The following KSR1 variants were observed in gnomAD, a reference collection of about 807,000 sequenced individuals.
KSR1 encodes the protein kinase suppressor of ras 1, also known as kinase suppressor of ras.
A neutral mutation model predicts 92.9 loss-of-function variants in KSR1; 35 were observed. The ratio of observed to expected loss-of-function variants is 0.38; its 90% CI spans 0.29 to 0.50. KSR1 has a LOEUF of 0.50. Ranked by LOEUF, KSR1 falls within the 20% of genes least tolerant of loss-of-function variation. KSR1 has a pLI of 0.94. For missense variants in KSR1, 972 were observed against 1,158.5 expected, an observed-to-expected ratio of 0.84 and a Z score of 2.34; for synonymous variants, 467 against 472.6, an observed-to-expected ratio of 0.99 and a Z score of 0.15.
intron 5 of KSR1, among the ~76,000 whole-genome samples, chr17:27,587,892 T>C (rs145884691): frequency 6.6e-6 from 1 of 152,124 alleles, no homozygotes; most frequent in Non-Finnish European, 1.5e-5. Flanking sequence ...TGTACCTGGG[T>C]GGGGCTGGCC....
intron 1 of KSR1, among the ~76,000 whole-genome samples, chr17:27,488,421 G>GT (rs947133716): frequency 1.3e-5 from 2 of 151,726 alleles, no homozygotes; most frequent in Middle Eastern, 3.4e-3. Flanking sequence ...ATTAGTAGTA[G>GT]TTTTTTTTAA....
At position 27,561,637 on chromosome 17, in the gene KSR1, C is replaced by T. The variant is rs1470633617; in HGVS notation, c.372+10929C>T. Among the ~76,000 whole-genome samples, 7 of 152,236 alleles carry T rather than the reference C, an allele frequency of 4.6e-5. No individual in the cohort carries two copies. The East Asian group carries it at 1.3e-3, about 29-fold the overall frequency. On this transcript the variant is annotated intron_variant, in intron 2 of 20. Coordinates refer to ENST00000644974, the MANE Select transcript of KSR1 (RefSeq NM_001394583.1). Reference sequence around the variant, plus strand: ...GTGTGTATTTAGCACCTGTTGTGTGCTCGGCACTGTTCTAGCCACTGAACA... The same window carrying T: ...GTGTGTATTTAGCACCTGTTGTGTGTTCGGCACTGTTCTAGCCACTGAACA...
At position 27,592,546 on chromosome 17, in the gene KSR1, G is replaced by T. The variant is rs746996087; in HGVS notation, c.1219G>T (p.Val407Phe). Residue 407 changes from valine to phenylalanine, a missense_variant, in exon 9 of 21, where the codon GTC (valine) becomes TTC (phenylalanine). This residue lies in a region of KSR1 where 611 missense variants were observed against 668.0 expected (regional missense o/e 0.91). Coordinates refer to ENST00000644974, the MANE Select transcript of KSR1 (RefSeq NM_001394583.1). ...AACTCGGCTTCGGAGGACAGAATCT[G>T]TCCCCTCGGACATCAACAACCCGGT... ...PLTRLRRTES[V>F]PSDINNPVDR... 8.7e-6 allele frequency: 14 copies of T among 1,613,952 alleles called. No individual in the cohort carries two copies. The highest frequency in any genetic ancestry group is 3.3e-4 in the Middle Eastern group (2 of 6,062).
chr17:27,492,197 G>A (rs749858238), intron 1 of KSR1, among the ~76,000 whole-genome samples: 7 of 152,126 alleles, frequency 4.6e-5, no homozygotes, highest in Non-Finnish European at 1.0e-4. Flanking sequence ...ATTCATGAAG[G>A]CTCTAGGAAA....
chr17:27,577,407 T>G lies in KSR1; in HGVS notation c.373-85T>G. ...CCAGCCAGCAGCTGGCCCCTGCCAC[T>G]CAGCAGGAGGCCAGCCTGAGGCTGA... On this transcript the variant is annotated intron_variant, in intron 2 of 20. Transcript: ENST00000644974. The surrounding 1 kb of genome is among the most constrained non-coding windows in gnomAD (Gnocchi z 4.5). The G allele has an allele frequency of 6.1e-6, 5 of 818,008 alleles. 1 individual carries two copies. Among genetic ancestry groups the G allele is most frequent in the Middle Eastern group, 7.3e-4 (2 of 2,724 alleles). The allele number at this position is 818,008 out of a possible 1,614,324, so 50.7% of individuals were successfully genotyped here.
intron 1 of KSR1, among the ~76,000 whole-genome samples, chr17:27,522,156 G>A (rs1046241900): frequency 1.3e-5 from 2 of 152,096 alleles, no homozygotes; most frequent in South Asian, 2.1e-4. Flanking sequence ...CCTTGAGCCC[G>A]GTGGAGTGTC....
chr17:27,566,555 T>G (rs777845512), intron 2 of KSR1: 1 of 399,006 alleles, frequency 2.5e-6, no homozygotes, highest in Non-Finnish European at 4.4e-6. Flanking sequence ...TGAGCCCACC[T>G]GGGCTGGAGG....
At chr17:27,540,829 G>T (rs1197969526) in intron 1 of KSR1, among the ~76,000 whole-genome samples, 1 of 152,238 alleles carries the variant, frequency 6.6e-6, no homozygotes, top group Non-Finnish European at 1.5e-5. Context: ...ACTGTCAGCT[G>T]CATCACAACC....
At chr17:27,589,745 A>G (rs560921205) in intron 6 of KSR1, among the ~76,000 whole-genome samples, 2 of 151,970 alleles carry the variant, frequency 1.3e-5, no homozygotes, top group Non-Finnish European at 2.9e-5. Context: ...CTCAGCCCCC[A>G]TCCTTCCTTC....
intron 1 of KSR1, among the ~76,000 whole-genome samples, chr17:27,480,794 A>G (rs1419825059): frequency 6.6e-6 from 1 of 152,236 alleles, no homozygotes; most frequent in Non-Finnish European, 1.5e-5. Context: ...GCCAAGGCCT[A>G]GTGCAGTTTG....
chr17:27,533,573 A>G (rs1228200725), intron 1 of KSR1, among the ~76,000 whole-genome samples: 1 of 152,082 alleles, frequency 6.6e-6, no homozygotes, highest in Non-Finnish European at 1.5e-5. Flanking sequence ...TAGTAGAGAC[A>G]GGGTTTCACC....
chr17:27,518,780 C>G (rs1025910034), intron 1 of KSR1, among the ~76,000 whole-genome samples: 1 of 152,206 alleles, frequency 6.6e-6, no homozygotes, highest in Admixed American at 6.5e-5. Context: ...CCCTCTCCAC[C>G]AAAGGCATAG....
chr17:27,614,257 G>A (rs1362437189), intron 18 of KSR1, among the ~76,000 whole-genome samples: 2 of 152,136 alleles, frequency 1.3e-5, no homozygotes, highest in South Asian at 2.1e-4. Context: ...TCCTGTGGCC[G>A]CACCATAATG....
At chr17:27,594,676 G>A (rs2073282497) in intron 9 of KSR1, among the ~76,000 whole-genome samples, 1 of 152,182 alleles carries the variant, frequency 6.6e-6, no homozygotes, top group African/African-American at 2.4e-5. Flanking sequence ...CTCACTAGGG[G>A]CCACACATGG....
intron 1 of KSR1, among the ~76,000 whole-genome samples, chr17:27,489,068 G>A (rs2068748142): frequency 6.6e-6 from 1 of 152,210 alleles, no homozygotes; most frequent in Non-Finnish European, 1.5e-5. Context: ...GCCCTGCATG[G>A]CTCTAGTCTC....
At chr17:27,511,017 G>A (rs1229311026) in intron 1 of KSR1, among the ~76,000 whole-genome samples, 2 of 152,192 alleles carry the variant, frequency 1.3e-5, no homozygotes, top group Non-Finnish European at 2.9e-5. Flanking sequence ...TCAGAAGGTG[G>A]GGATGAGCCT....
rs200904358 is a variant in KSR1, at chr17:27,563,981, C to CTTTTTTTTTTTT, written c.372+13287_372+13298dup. 4.1e-4 allele frequency among the ~76,000 whole-genome samples: 19 copies of CTTTTTTTTTTTT among 46,890 alleles called. 1 individual carries two copies. Among genetic ancestry groups the CTTTTTTTTTTTT allele is most frequent in the African/African-American group, 1.2e-3 (13 of 10,788 alleles). The allele number at this position is 46,890 out of a possible 152,430, so 30.8% of individuals were successfully genotyped here. Reference sequence around the variant, plus strand: ...TATTTGTACAGTTGGTATTCGGTAGCTTTTTTTTTTTTTTTTTTTTTTTTT... The same window carrying CTTTTTTTTTTTT: ...TATTTGTACAGTTGGTATTCGGTAGCTTTTTTTTTTTTTTTTTTTTTTTTTTTTTTTTTTTTT... On this transcript the variant is annotated intron_variant, in intron 2 of 20. Transcript: ENST00000644974.
At chr17:27,479,010 C>T (rs2068429947) in intron 1 of KSR1, among the ~76,000 whole-genome samples, 1 of 150,304 alleles carries the variant, frequency 6.7e-6, no homozygotes, top group South Asian at 2.1e-4. Flanking sequence ...CTCTCTCCCT[C>T]TGTGCTCTTC....
At chr17:27,473,284 T>C (rs2020121107) in intron 1 of KSR1, among the ~76,000 whole-genome samples, 1 of 152,232 alleles carries the variant, frequency 6.6e-6, no homozygotes, top group Non-Finnish European at 1.5e-5. Flanking sequence ...CAGAAAGAGA[T>C]AATACAAGGC....
Sources: gnomAD v4.1 joint callset for allele counts (sites outside exome capture counted in the v4.1 genomes callset) on GRCh38, gnomAD v4.1.1 for gene constraint, gnomAD v4.1.1 regional missense constraint, Gnocchi (gnomAD v3.1) non-coding constraint, MANE v1.5 for transcripts, NCBI Gene and HGNC (gene_info 2026-07-23, HGNC 2026-07-21) for gene names.